Variants in KIFAP3 observed in about 807,000 individuals in gnomAD.
KIFAP3 encodes the protein kinesin associated protein 3.
Under a neutral mutation model 106.5 loss-of-function variants are expected in KIFAP3, and 68 were observed. The observed-to-expected ratio is 0.64, with a 90% CI of 0.53 to 0.78. The LOEUF is 0.78. KIFAP3 is among the 30% of genes least tolerant of loss of function. The probability of loss-of-function intolerance (pLI) is 0.00; values close to 1 mark genes in which losing one functional copy is unlikely to be tolerated. For missense variants in KIFAP3, 780 were observed against 941.8 expected, an observed-to-expected ratio of 0.83 and a Z score of 2.25; for synonymous variants, 320 against 311.5, an observed-to-expected ratio of 1.03 and a Z score of -0.29.
At chr1:170,042,875 C>T (rs1321342420) in intron 3 of KIFAP3, among the ~76,000 whole-genome samples, 1 of 152,204 alleles carries the variant, frequency 6.6e-6, no homozygotes, top group African/African-American at 2.4e-5. Flanking sequence ...CACATCTGAG[C>T]TTTCTCTAGC....
At chr1:170,008,105 T>C (rs966493588) in intron 10 of KIFAP3, among the ~76,000 whole-genome samples, 1 of 151,594 alleles carries the variant, frequency 6.6e-6, no homozygotes, top group East Asian at 1.9e-4. Context: ...TTACACCTTA[T>C]ACAAATATTA....
chr1:170,053,974 A>G (rs1417656210), intron 2 of KIFAP3, among the ~76,000 whole-genome samples: 1 of 152,220 alleles, frequency 6.6e-6, no homozygotes, highest in Non-Finnish European at 1.5e-5. Context: ...AATGGAAACA[A>G]AAGCTAAAAT....
At chr1:170,012,759 A>G (rs1175508934) in intron 10 of KIFAP3, among the ~76,000 whole-genome samples, 1 of 152,112 alleles carries the variant, frequency 6.6e-6, no homozygotes, top group East Asian at 1.9e-4. Context: ...TAATTTATAA[A>G]GAAAAAAAGA....
intron 19 of KIFAP3, among the ~76,000 whole-genome samples, chr1:169,942,512 G>A (rs1410771488): frequency 2.0e-5 from 3 of 152,208 alleles, no homozygotes; most frequent in Non-Finnish European, 2.9e-5. Context: ...GAATTGCAAA[G>A]AAAACAAGAT....
chr1:170,048,978 T>C (rs1398350245), intron 2 of KIFAP3, among the ~76,000 whole-genome samples: 2 of 152,196 alleles, frequency 1.3e-5, no homozygotes, highest in Non-Finnish European at 2.9e-5. Flanking sequence ...GAGACAGAAC[T>C]GTTCACTGCC....
chr1:170,037,417 G>C (rs982724466), intron 5 of KIFAP3, among the ~76,000 whole-genome samples: 8 of 152,092 alleles, frequency 5.3e-5, no homozygotes, highest in Non-Finnish European at 1.0e-4. Flanking sequence ...TGTATAATCA[G>C]AAAACTATGC....
intron 1 of KIFAP3, chr1:170,068,402 G>T (rs1220674815): frequency 6.6e-6 from 1 of 151,902 alleles, no homozygotes; most frequent in Non-Finnish European, 1.5e-5. Flanking sequence ...AAAAACACTA[G>T]ATCTGAAAAG....
At chr1:170,077,724 A>C (rs1363415210), upstream of KIFAP3, among the ~76,000 whole-genome samples, 1 of 152,064 alleles carries the variant, frequency 6.6e-6, no homozygotes, top group Non-Finnish European at 1.5e-5. Context: ...TATCCCCACA[A>C]CCCCAGGCTC....
chr1:170,019,063 G>T (rs534194895), intron 9 of KIFAP3, among the ~76,000 whole-genome samples: 2 of 151,966 alleles, frequency 1.3e-5, no homozygotes, highest in Admixed American at 1.3e-4. Context: ...AGATAAAAAG[G>T]AAACAGTACC....
At chr1:170,050,109 G>A (rs1670494681) in intron 2 of KIFAP3, among the ~76,000 whole-genome samples, 1 of 152,082 alleles carries the variant, frequency 6.6e-6, no homozygotes, top group Admixed American at 6.6e-5. Flanking sequence ...AAGGTTACAG[G>A]AACTGATAAC....
chr1:170,047,936 G>T (rs773048259), intron 2 of KIFAP3, among the ~76,000 whole-genome samples: 1 of 152,142 alleles, frequency 6.6e-6, no homozygotes, highest in Non-Finnish European at 1.5e-5. Context: ...CCCATGCAAG[G>T]TTCTTTTGAA....
At chr1:170,015,472 T>C (rs1172063668) in intron 10 of KIFAP3, among the ~76,000 whole-genome samples, 2 of 152,158 alleles carry the variant, frequency 1.3e-5, no homozygotes, top group African/African-American at 4.8e-5. Context: ...TAGAGTAACT[T>C]CTAAAATGTA....
At chr1:169,998,393 TATATATACACACAC>T (rs1345109664) in intron 10 of KIFAP3, among the ~76,000 whole-genome samples, 38 of 108,856 alleles carry the variant, frequency 3.5e-4, no homozygotes, top group African/African-American at 1.1e-3. Flanking sequence ...TATATATATA[TATATATACACACAC>T]ACACACACAC....
chr1:170,043,183 G>A (rs1442198831), intron 3 of KIFAP3, among the ~76,000 whole-genome samples: 1 of 152,132 alleles, frequency 6.6e-6, no homozygotes, highest in Non-Finnish European at 1.5e-5. Context: ...GCTCCCTAAA[G>A]AACCTGTATT....
chr1:170,048,951 G>A (rs1257919218), intron 2 of KIFAP3, among the ~76,000 whole-genome samples: 1 of 152,188 alleles, frequency 6.6e-6, no homozygotes, highest in Non-Finnish European at 1.5e-5. Flanking sequence ...CTTACCCCAG[G>A]TGCCTGGAAT....
intron 6 of KIFAP3, 28 bp downstream of exon 6, chr1:170,035,426 C>T: frequency 1.4e-6 from 2 of 1,403,208 alleles, no homozygotes; most frequent in Non-Finnish European, 2.0e-6. Flanking sequence ...ATACAGTAGC[C>T]TTTTTATTTA....
chr1:170,005,051 A>G (rs1226585626), intron 10 of KIFAP3, among the ~76,000 whole-genome samples: 17 of 152,310 alleles, frequency 1.1e-4, no homozygotes, highest in South Asian at 1.0e-3. Flanking sequence ...GGCAAAGGAT[A>G]TGAACAGACA....
intron 10 of KIFAP3, 61 bp downstream of exon 10, chr1:170,016,401 C>T (rs542474180): frequency 1.4e-6 from 2 of 1,381,372 alleles, no homozygotes; most frequent in African/African-American, 1.5e-5. Context: ...ACACAGAGCT[C>T]AATTTTCCAG....
intron 10 of KIFAP3, among the ~76,000 whole-genome samples, chr1:170,012,222 G>A (rs1326329479): frequency 2.0e-5 from 3 of 152,084 alleles, no homozygotes; most frequent in Non-Finnish European, 4.4e-5. Context: ...TGACAGCCAA[G>A]GCCAGGGGAA....
Sources: gnomAD v4.1 joint callset for allele counts (sites outside exome capture counted in the v4.1 genomes callset) on GRCh38, gnomAD v4.1.1 for gene constraint, MANE v1.5 for transcripts, NCBI Gene and HGNC (gene_info 2026-07-23, HGNC 2026-07-21) for gene names.